The following CYRIB variants were observed in gnomAD, a reference collection of about 807,000 sequenced individuals.
CYRIB encodes the protein CYFIP-related Rac1 interactor B.
Under a neutral mutation model 44.2 loss-of-function variants are expected in CYRIB, and 8 were observed. The observed-to-expected ratio is 0.18, with a 90% CI of 0.11 to 0.33. The LOEUF (loss-of-function observed/expected upper bound fraction) is 0.33. Among genes scored for constraint, CYRIB ranks in the 10% least tolerant of loss-of-function variants. The pLI, the probability that CYRIB is intolerant of heterozygous loss-of-function variation, is 1.00. For synonymous variants in CYRIB, 131 were observed against 127.2 expected (o/e 1.03, Z -0.20); for missense variants, 185 against 382.8 (o/e 0.48, Z 4.31).
intron 1 of CYRIB, among the ~76,000 whole-genome samples, chr8:130,000,305 C>A (rs566898180): frequency 1.3e-5 from 2 of 152,142 alleles, no homozygotes; most frequent in Non-Finnish European, 2.9e-5. Flanking sequence ...ATTTGAGATG[C>A]TAAGACATGT....
chr8:129,994,698 G>T (rs1049603340), intron 1 of CYRIB, among the ~76,000 whole-genome samples: 1 of 152,200 alleles, frequency 6.6e-6, no homozygotes, highest in Non-Finnish European at 1.5e-5. Flanking sequence ...ATGGAACATC[G>T]ACAACAGAAA....
At chr8:129,867,006 TG>T (rs2053992906) in intron 4 of CYRIB, among the ~76,000 whole-genome samples, 1 of 152,230 alleles carries the variant, frequency 6.6e-6, no homozygotes, top group Non-Finnish European at 1.5e-5. Flanking sequence ...AATATTAAAC[TG>T]GCTGGGCACA....
At chr8:129,946,279 A>G (rs527695317) in intron 2 of CYRIB, among the ~76,000 whole-genome samples, 22 of 152,310 alleles carry the variant, frequency 1.4e-4, no homozygotes, top group Non-Finnish European at 2.6e-4. Context: ...ACATCTTTCA[A>G]TATGCTTCAG....
intron 2 of CYRIB, among the ~76,000 whole-genome samples, chr8:129,886,366 CA>C (rs1214125246): frequency 6.6e-6 from 1 of 152,202 alleles, no homozygotes; most frequent in Non-Finnish European, 1.5e-5. Context: ...ACATTCTGAA[CA>C]ATACATTATC....
At chr8:129,862,710 G>A (rs1174565222) in intron 4 of CYRIB, among the ~76,000 whole-genome samples, 1 of 152,146 alleles carries the variant, frequency 6.6e-6, no homozygotes, top group African/African-American at 2.4e-5. Context: ...GACCTCAGGT[G>A]ATCCACCCAC....
At chr8:129,936,509 A>G (rs1280370541) in intron 1 of CYRIB, among the ~76,000 whole-genome samples, 1 of 152,214 alleles carries the variant, frequency 6.6e-6, no homozygotes, top group African/African-American at 2.4e-5. Flanking sequence ...ACATTTATGT[A>G]TAATTGTAGA....
At chr8:129,975,560 C>T (rs772070702) in intron 1 of CYRIB, among the ~76,000 whole-genome samples, 9 of 152,116 alleles carry the variant, frequency 5.9e-5, no homozygotes, top group South Asian at 2.1e-4. Context: ...TTCTGATAAA[C>T]GCCACGGAGC....
chr8:129,892,947 T>C (rs1454910711), intron 2 of CYRIB, among the ~76,000 whole-genome samples: 1 of 152,206 alleles, frequency 6.6e-6, no homozygotes, highest in Non-Finnish European at 1.5e-5. Context: ...ATTATTCTAG[T>C]TCCTCAATTA....
chr8:129,957,357 T>C (rs1214710309), intron 2 of CYRIB, among the ~76,000 whole-genome samples: 1 of 152,202 alleles, frequency 6.6e-6, no homozygotes, highest in Non-Finnish European at 1.5e-5. Context: ...GGCTGTACTT[T>C]GCTCAATTCT....
At chr8:129,902,573 G>A (rs1490813732) in intron 2 of CYRIB, among the ~76,000 whole-genome samples, 4 of 152,180 alleles carry the variant, frequency 2.6e-5, no homozygotes, top group South Asian at 2.1e-4. Flanking sequence ...TTAAAGTGCA[G>A]TGATGCAATC....
chr8:129,957,493 GA>G (rs1387206747), intron 2 of CYRIB, among the ~76,000 whole-genome samples: 4 of 152,170 alleles, frequency 2.6e-5, no homozygotes, highest in African/African-American at 9.6e-5. Flanking sequence ...CATCTAAGCT[GA>G]AAACCTTATT....
intron 2 of CYRIB, among the ~76,000 whole-genome samples, chr8:129,960,464 G>A (rs942387772): frequency 3.4e-5 from 5 of 148,840 alleles, no homozygotes; most frequent in Admixed American, 2.7e-4. Flanking sequence ...GCATGGTGGC[G>A]GGCACCTGTA....
chr8:129,983,198 C>A lies in CYRIB; in HGVS notation c.-295-12203G>T, dbSNP rs149910566. ...CAGTGGCTCACGCCTGTAATGCCAG[C>A]ACTTTGGGAGGCCGAGGCGGGCAGA... is the stretch of plus-strand genomic sequence containing the variant. On this transcript the variant is annotated intron_variant, in intron 1 of 14. Transcript: ENST00000401979. Among the ~76,000 whole-genome samples, 467 of 152,232 alleles carry A rather than the reference C, an allele frequency of 3.1e-3. 5 individuals are homozygous for A. The highest frequency in any genetic ancestry group is 0.01 in the African/African-American group (429 of 41,546).
intron 1 of CYRIB, among the ~76,000 whole-genome samples, chr8:129,990,461 G>GGTGT (rs373091317): frequency 2.0e-5 from 3 of 149,984 alleles, no homozygotes; most frequent in Non-Finnish European, 4.4e-5. Context: ...AGAACAATAC[G>GGTGT]GTGTGTGTGT....
At chr8:129,934,943 G>A (rs2092521226) in intron 1 of CYRIB, among the ~76,000 whole-genome samples, 1 of 152,206 alleles carries the variant, frequency 6.6e-6, no homozygotes, top group South Asian at 2.1e-4. Context: ...CTTACGCATA[G>A]ACATATAGCT....
intron 2 of CYRIB, among the ~76,000 whole-genome samples, chr8:129,892,032 G>T (rs1428697057): frequency 6.6e-6 from 1 of 152,000 alleles, no homozygotes; most frequent in Non-Finnish European, 1.5e-5. Flanking sequence ...CATGATTCCA[G>T]CCATTAAATG....
At chr8:129,886,747 T>C (rs2134370574) in intron 2 of CYRIB, among the ~76,000 whole-genome samples, 1 of 151,866 alleles carries the variant, frequency 6.6e-6, no homozygotes, top group East Asian at 1.9e-4. Context: ...GCCCTGACAC[T>C]CCCCTCATCC....
At chr8:129,874,155 T>TA (rs751067645) in intron 3 of CYRIB, among the ~76,000 whole-genome samples, 154 of 150,970 alleles carry the variant, frequency 1.0e-3, no homozygotes, top group Non-Finnish European at 1.7e-3. Context: ...CTTTACTATT[T>TA]AAAAAAAAAG....
chr8:129,888,566 T>A (rs777539249), intron 2 of CYRIB, among the ~76,000 whole-genome samples: 25 of 152,154 alleles, frequency 1.6e-4, no homozygotes, highest in African/African-American at 4.6e-4. Flanking sequence ...TCAGAGAGAA[T>A]CCTTGAGCTA....
Sources: gnomAD v4.1 joint callset for allele counts (sites outside exome capture counted in the v4.1 genomes callset) on GRCh38, gnomAD v4.1.1 for gene constraint, MANE v1.5 for transcripts, NCBI Gene and HGNC (gene_info 2026-07-23, HGNC 2026-07-21) for gene names.